MED1: variants seen among roughly 807,000 people sequenced by gnomAD.
The protein encoded by MED1 is mediator complex subunit 1.
In MED1, 17 loss-of-function variants were observed where a neutral mutation model predicts 121.3. That is an observed-to-expected ratio of 0.14 (90% CI 0.10 to 0.21). The LOEUF (loss-of-function observed/expected upper bound fraction) is 0.21. MED1 is among the 10% of genes least tolerant of loss of function. The pLI, the probability that MED1 is intolerant of heterozygous loss-of-function variation, is 1.00. For synonymous variants in MED1, 661 were observed against 694.4 expected (o/e 0.95, Z 0.76); for missense variants, 1,558 against 1,919.4 (o/e 0.81, Z 3.52).
intron 6 of MED1, among the ~76,000 whole-genome samples, chr17:39,436,714 T>C (rs1457437905): frequency 1.3e-5 from 2 of 152,258 alleles, no homozygotes; most frequent in East Asian, 1.9e-4. Context: ...TACTCAATTA[T>C]CAAGCCTTCA....
chr17:39,441,143 A>C (rs569588808), intron 3 of MED1, among the ~76,000 whole-genome samples: 62 of 152,200 alleles, frequency 4.1e-4, no homozygotes, highest in Non-Finnish European at 7.9e-4. Context: ...AAAAGAAAGA[A>C]ATTCTAATAA....
At position 39,446,894 on chromosome 17, in the gene MED1, C is replaced by G. The variant is rs544089020; in HGVS notation, c.132+904G>C. Among the ~76,000 whole-genome samples, 8 of 152,140 alleles carry G rather than the reference C, an allele frequency of 5.3e-5. No individual in the cohort carries two copies. The East Asian group carries it at 1.5e-3, about 29-fold the overall frequency. ...AGTTGAAGCTGCAGTGAGCCATGAT[C>G]GCGCCACTGCACTTGAGCCTGGATG... On this transcript the variant is annotated intron_variant, in intron 2 of 16. Coordinates refer to ENST00000300651, the MANE Select transcript of MED1 (RefSeq NM_004774.4).
At chr17:39,444,894 CA>C (rs1032996278) in intron 2 of MED1, among the ~76,000 whole-genome samples, 1 of 150,822 alleles carries the variant, frequency 6.6e-6, no homozygotes, top group African/African-American at 2.4e-5. Flanking sequence ...AACAAACAAA[CA>C]AAAAAAAACT....
Position 39,405,362 on chromosome 17 carries a change from T to C in MED1, c.*2113A>G. 6.4e-7 allele frequency: 1 copy of C among 1,571,334 alleles called. No individual in the cohort carries two copies. The highest frequency in any genetic ancestry group is 8.6e-7 in the Non-Finnish European group (1 of 1,157,836). On this transcript the variant is annotated 3_prime_UTR_variant, in exon 17 of 17. Transcript: ENST00000300651. The stretch of plus-strand genomic sequence containing the variant: ...CTTCCCAGTTTACTCATTTTGGTAT[T>C]TGTTGGCCCTGCATGGGGGAGCTGA...
At chr17:39,421,895 G>A (rs985047124) in intron 13 of MED1, among the ~76,000 whole-genome samples, 3 of 151,834 alleles carry the variant, frequency 2.0e-5, no homozygotes, top group East Asian at 2.0e-4. Context: ...TTGGGAGGCC[G>A]AGGCGGGCGG....
Position 39,407,014 on chromosome 17 carries a change from A to G in MED1, c.*461T>C. On this transcript the variant is annotated 3_prime_UTR_variant, in exon 17 of 17. Transcript: ENST00000300651. Reference sequence around the variant, plus strand: ...TGACTCAAACGGACAACTACCTCAAACAAAGTTGAACAACCTTCATGCAAA... The same window carrying G: ...TGACTCAAACGGACAACTACCTCAAGCAAAGTTGAACAACCTTCATGCAAA... 1.0e-6 allele frequency: 1 copy of G among 986,910 alleles called. No homozygotes were observed. The highest frequency in any genetic ancestry group is 4.7e-5 in the South Asian group (1 of 21,298). The allele number at this position is 986,910 out of a possible 1,614,324, so 61.1% of individuals were successfully genotyped here. A position where few individuals can be genotyped will look rare whatever the true frequency, so the allele number is the denominator to read the frequency against.
At chr17:39,415,962 C>G (rs2048405768) in intron 14 of MED1, among the ~76,000 whole-genome samples, 1 of 151,200 alleles carries the variant, frequency 6.6e-6, no homozygotes, top group Admixed American at 6.6e-5. Flanking sequence ...TGAACCCCAG[C>G]CTGGGAAACA....
chr17:39,416,502 C>G (rs2048410641), intron 14 of MED1, among the ~76,000 whole-genome samples: 2 of 152,148 alleles, frequency 1.3e-5, no homozygotes, highest in South Asian at 2.1e-4. Context: ...AAAAGCATGC[C>G]TCTCTATAGG....
intron 9 of MED1, among the ~76,000 whole-genome samples, chr17:39,430,114 CT>C (rs2048551835): frequency 6.6e-6 from 1 of 151,720 alleles, no homozygotes; most frequent in South Asian, 2.1e-4. Flanking sequence ...GGTGCAGTGG[CT>C]AATACCTGTT....
At position 39,407,877 on chromosome 17, in the gene MED1, G is replaced by C; in HGVS notation, c.4344C>G (p.Pro1448=). 1.2e-6 allele frequency: 2 copies of C among 1,614,148 alleles called. No homozygotes were observed. The highest frequency in any genetic ancestry group is 1.7e-6 in the Non-Finnish European group (2 of 1,180,026). Residue 1448 remains proline, a synonymous_variant, in exon 17 of 17, where the codon CCC becomes CCG. Coordinates refer to ENST00000300651, the MANE Select transcript of MED1 (RefSeq NM_004774.4). The part of the protein sequence containing the change: ...GSTPKHERGS[P]SHSKSPAYTP... The stretch of plus-strand genomic sequence containing the variant: ...TATATGCTGGTGACTTACTATGGCT[G>C]GGAGAGCCACGCTCATGCTTTGGAG...
rs2048310654 is a variant in MED1 at position 39,407,240 on chromosome 17, T to A, written c.*235A>T. 1 of 926,276 alleles carries A rather than the reference T, an allele frequency of 1.1e-6. No homozygotes were observed. Among genetic ancestry groups the A allele is most frequent in the Non-Finnish European group, 1.3e-6 (1 of 795,632 alleles). 57.4% of individuals were successfully genotyped at this position (926,276 alleles called of 1,614,324 possible). On this transcript the variant is annotated 3_prime_UTR_variant, in exon 17 of 17. Coordinates refer to ENST00000300651, the MANE Select transcript of MED1 (RefSeq NM_004774.4). ...CCTTTCTTAAGCAAGTATTTTAACT[T>A]TCTTTCTGGCACAGGAACAAAGAAG...
Position 39,415,272 on chromosome 17 carries a change from C to A in MED1, c.1365G>T (p.Gln455His). ...LSESRFSVSFQHPVNDSLVCV... is the reference protein window; with the variant it reads ...LSESRFSVSFHHPVNDSLVCV... The stretch of plus-strand genomic sequence containing the variant: ...ACACCAGGGAGTCATTCACAGGGTG[C>A]TGAAAAGATACGCTGAAACGAGACT... The change falls in exon 15 of 17, where the codon CAG (glutamine) becomes CAT (histidine). Residue 455 changes from glutamine to histidine, a missense_variant. Gln to His is a conservative substitution (Grantham distance 24, BLOSUM62 0). Coordinates refer to ENST00000300651, the MANE Select transcript of MED1 (RefSeq NM_004774.4). 1 of 1,613,962 alleles carries A rather than the reference C, an allele frequency of 6.2e-7. No homozygotes were observed. The highest frequency in any genetic ancestry group is 8.5e-7 in the Non-Finnish European group (1 of 1,179,838).
Position 39,409,298 on chromosome 17 carries a change from C to T in MED1, c.2923G>A (p.Gly975Ser), listed in dbSNP as rs1392502204. The change falls in exon 17 of 17, where the codon GGC (glycine) becomes AGC (serine). Residue 975 changes from glycine to serine, a missense_variant. Physicochemically the swap from Gly to Ser is moderately conservative, Grantham distance 56 (BLOSUM62 0). Around this residue, in one of 5 missense-constraint regions of MED1, gnomAD observed 793 missense variants for 898.2 expected, o/e 0.88. Transcript: ENST00000300651. ...KEKTQKRVKE[G>S]NGTSNSTLSG... is the part of the protein sequence containing the mutation. ...AGAGTACTATTACTGGTGCCATTGC[C>T]TTCCTTTACCCTCTTTTGAGTCTTT... 3 of 1,614,092 alleles carry T rather than the reference C, an allele frequency of 1.9e-6. No homozygotes were observed. Among genetic ancestry groups the T allele is most frequent in the Non-Finnish European group, 2.5e-6 (3 of 1,180,012 alleles).
In MED1 at chr17:39,405,960, C is replaced by G. The variant is rs1186826904; in HGVS notation, c.*1515G>C. 1.0e-6 allele frequency: 1 copy of G among 985,422 alleles called. No individual in the cohort carries two copies. The highest frequency in any genetic ancestry group is 1.2e-6 in the Non-Finnish European group (1 of 829,956). The allele number at this position is 985,422 out of a possible 1,614,324, so 61.0% of individuals were successfully genotyped here. A position where few individuals can be genotyped will look rare whatever the true frequency, so the allele number is the denominator to read the frequency against. ...TTGTGCTGGGGACCATGCCCCATCCCGCTGATACAGATCCTGAATGGAATA... is the reference window on the plus strand; with the variant it reads ...TTGTGCTGGGGACCATGCCCCATCCGGCTGATACAGATCCTGAATGGAATA... On this transcript the variant is annotated 3_prime_UTR_variant, in exon 17 of 17. Transcript: ENST00000300651.
Position 39,419,866 on chromosome 17 carries a change from G to A in MED1, c.1148C>T (p.Pro383Leu). The A allele has an allele frequency of 6.2e-7, 1 of 1,614,122 alleles. No individual in the cohort carries two copies. The highest frequency in any genetic ancestry group is 2.2e-5 in the East Asian group (1 of 44,878). The change falls in exon 14 of 17, where the codon CCA becomes CTA. Residue 383 changes from proline to leucine, a missense_variant. Around this residue, in one of 5 missense-constraint regions of MED1, gnomAD observed 443 missense variants for 532.4 expected, o/e 0.83. Coordinates refer to ENST00000300651, the MANE Select transcript of MED1 (RefSeq NM_004774.4). The stretch of plus-strand genomic sequence containing the variant: ...GGTTCCCTGTAGACTTCGGCCATCT[G>A]GAAGAGGAGCATCCTTGTTGAGGAA... ...CYFLNKDAPL[P>L]DGRSLQGTLV...
chr17:39,420,302 C>T (rs367850179), intron 13 of MED1, among the ~76,000 whole-genome samples: 1 of 150,908 alleles, frequency 6.6e-6, no homozygotes, highest in Non-Finnish European at 1.5e-5. Flanking sequence ...CGAGTTCATG[C>T]CATTCTCCTG....
chr17:39,410,393 T>G lies in MED1; in HGVS notation c.1828A>C (p.Ile610Leu), dbSNP rs2048345736. 6.2e-7 allele frequency: 1 copy of G among 1,614,064 alleles called. No homozygotes were observed. Among genetic ancestry groups the G allele is most frequent in the Non-Finnish European group, 8.5e-7 (1 of 1,180,000 alleles). ...ATGGTAGACCCCCCGTTCCCTGTGATTTGCAACAAACTGGTAAGAATTGGG... is the reference window on the plus strand; with the variant it reads ...ATGGTAGACCCCCCGTTCCCTGTGAGTTGCAACAAACTGGTAAGAATTGGG... ...QNPILTSLLQ[I>L]TGNGGSTIGS... is the part of the protein sequence containing the mutation. Residue 610 changes from isoleucine (I) to leucine (L), a missense_variant, in exon 17 of 17, where the codon ATC (isoleucine) becomes CTC (leucine). Coordinates refer to ENST00000300651, the MANE Select transcript of MED1 (RefSeq NM_004774.4).
intron 5 of MED1, among the ~76,000 whole-genome samples, chr17:39,439,639 T>C (rs1388931256): frequency 1.3e-5 from 2 of 152,112 alleles, no homozygotes; most frequent in African/African-American, 2.4e-5. Context: ...TTTGTTGATA[T>C]GAAATGAAAA....
chr17:39,451,150 G>A lies in MED1; in HGVS notation c.-88C>T, dbSNP rs927348253. The A allele has an allele frequency of 9.1e-5, 134 of 1,464,594 alleles. No homozygotes were observed. Among genetic ancestry groups the A allele is most frequent in the Middle Eastern group, 5.2e-4 (3 of 5,818 alleles). The allele number at this position is 1,464,594 out of a possible 1,614,324, so 90.7% of individuals were successfully genotyped here. A position where few individuals can be genotyped will look rare whatever the true frequency, so the allele number is the denominator to read the frequency against. ...AGGAAACAAGTTGGCTCGGGATCCC[G>A]GGACGCAGGGCACCAGCAGTCCCTA... On this transcript the variant is annotated 5_prime_UTR_variant, in exon 1 of 17. Coordinates refer to ENST00000300651, the MANE Select transcript of MED1 (RefSeq NM_004774.4).
Sources: allele counts gnomAD v4.1 joint callset (sites outside exome capture counted in the v4.1 genomes callset), GRCh38; gene constraint gnomAD v4.1.1; regional missense constraint gnomAD v4.1.1; transcripts MANE v1.5; gene names NCBI Gene and HGNC (gene_info 2026-07-23, HGNC 2026-07-21).